The following FANCD2 variants were observed in gnomAD, a reference collection of about 807,000 sequenced individuals.
FANCD2 encodes the protein FA complementation group D2.
Under a neutral mutation model 192.3 loss-of-function variants are expected in FANCD2, and 131 were observed. The observed-to-expected ratio is 0.68, with a 90% confidence interval of 0.59 to 0.79. The LOEUF is 0.79. Among genes scored for constraint, FANCD2 ranks in the 30% least tolerant of loss-of-function variants. The pLI, the probability that FANCD2 is intolerant of heterozygous loss-of-function variation, is 0.00. For missense variants in FANCD2, 1,508 were observed against 1,701.6 expected (o/e 0.89, Z 2.00); for synonymous variants, 524 against 612.5 (o/e 0.86, Z 2.13).
In FANCD2 at chr3:10,034,681, TA is replaced by T. The variant is rs1183859220; in HGVS notation, c.274-11del. On this transcript the variant is annotated splice_polypyrimidine_tract_variant and intron_variant, in intron 4 of 43. Transcript: ENST00000675286. ...AAAAATTTTATTCTTTTTTATTTTT[TA>T]AATCTCCTTAAGATAATAGAAGAAT... 14 of 1,524,690 alleles carry T rather than the reference TA, an allele frequency of 9.2e-6. No homozygotes were observed. The highest frequency in any genetic ancestry group is 1.2e-5 in the Non-Finnish European group (14 of 1,121,698). The allele number at this position is 1,524,690 out of a possible 1,614,324, so 94.4% of individuals were successfully genotyped here. A position where few individuals can be genotyped will look rare whatever the true frequency, so the allele number is the denominator to read the frequency against.
At chr3:10,064,603 G>A (rs1354237847) in intron 22 of FANCD2, 126 bp from the exon 23 acceptor site, 11 of 1,329,420 alleles carry the variant, frequency 8.3e-6, no homozygotes, top group Middle Eastern at 2.1e-4. Context: ...TTCCTAAAAG[G>A]TTCACTGTTT....
Position 10,035,221 on chromosome 3 carries a change from T to C in FANCD2, c.426T>C (p.Ile142=). ...SKSLIKLLLG[I]DILQPAIIKT... is the part of the protein sequence containing the mutation. ...GTCTCATCAAACTGCTTCTGGGGAT[T>C]GACATACTGCAGGTAAGACTGTCAC... is the stretch of plus-strand genomic sequence containing the variant. The change falls in exon 6 of 44, where the codon ATT becomes ATC. Residue 142 remains isoleucine (I), a synonymous_variant. Transcript: ENST00000675286. 1 of 1,613,662 alleles carries C rather than the reference T, an allele frequency of 6.2e-7. No homozygotes were observed. Among genetic ancestry groups the C allele is most frequent in the Non-Finnish European group, 8.5e-7 (1 of 1,179,636 alleles).
intron 14 of FANCD2, among the ~76,000 whole-genome samples, chr3:10,044,484 G>A (rs1276606934): frequency 1.3e-4 from 19 of 151,922 alleles, no homozygotes; most frequent in Admixed American, 2.6e-4. Flanking sequence ...CCTGGCCAAT[G>A]TAGCGAAACC....
chr3:10,071,314 A>G (rs1693231945), intron 26 of FANCD2, among the ~76,000 whole-genome samples: 1 of 152,084 alleles, frequency 6.6e-6, no homozygotes, highest in Non-Finnish European at 1.5e-5. Flanking sequence ...TAGAATCACC[A>G]TATGATCCAG....
intron 22 of FANCD2, 54 bp from the exon 23 acceptor site, chr3:10,064,675 T>G: frequency 1.9e-6 from 3 of 1,598,238 alleles, no homozygotes; most frequent in Non-Finnish European, 2.6e-6. Flanking sequence ...TGGTTTTCCC[T>G]GTAGCCTTGC....
intron 15 of FANCD2, among the ~76,000 whole-genome samples, chr3:10,047,300 A>G (rs2087049833): frequency 6.6e-6 from 1 of 152,270 alleles, no homozygotes; most frequent in Admixed American, 6.5e-5. Flanking sequence ...TTGGGCTGTA[A>G]TTTTCTAGAT....
chr3:10,055,592 C>G (rs2125019412), intron 18 of FANCD2, among the ~76,000 whole-genome samples: 1 of 152,212 alleles, frequency 6.6e-6, no homozygotes. Context: ...GCGGGCAGAT[C>G]ATGAGGTCAG....
intron 11 of FANCD2, 134 bp downstream of exon 11, chr3:10,042,797 T>C (rs2086897784): frequency 1.2e-6 from 1 of 821,434 alleles, no homozygotes; most frequent in Non-Finnish European, 2.1e-6. Flanking sequence ...ATTCAACAGA[T>C]TCATTGATCT....
chr3:10,065,790 G>A, intron 24 of FANCD2, 74 bp from the exon 25 acceptor site: 3 of 924,330 alleles, frequency 3.2e-6, no homozygotes, highest in Non-Finnish European at 5.4e-6. Flanking sequence ...AGCAAGGACA[G>A]CTAGCTCCAG....
rs572641019 is a variant in FANCD2, at chr3:10,060,036, G to A, written c.1657-258G>A. On this transcript the variant is annotated intron_variant, in intron 18 of 43. Transcript: ENST00000675286. ...TACAAAATAAGCCGGGCATGGTGGC[G>A]GGTGCCTGTAATCCCAGTTACCCAG... 1.8e-4 allele frequency among the ~76,000 whole-genome samples: 28 copies of A among 151,958 alleles called. No individual in the cohort carries two copies. In the East Asian group the frequency reaches 4.1e-3, roughly 22 times the overall value.
Position 10,038,780 on chromosome 3 carries a change from C to T in FANCD2, c.492-499C>T, listed in dbSNP as rs569691735. ...ATTTTTAGTAGAGATGGGGTTTCACCGTGTTGGCCAGGCTGGTCTTGAACT... is the reference window on the plus strand; with the variant it reads ...ATTTTTAGTAGAGATGGGGTTTCACTGTGTTGGCCAGGCTGGTCTTGAACT... On this transcript the variant is annotated intron_variant, in intron 7 of 43. Coordinates refer to ENST00000675286, the MANE Select transcript of FANCD2 (RefSeq NM_001018115.3). 1.8e-4 allele frequency among the ~76,000 whole-genome samples: 27 copies of T among 152,086 alleles called. No individual in the cohort carries two copies. The South Asian group carries it at 4.6e-3, about 26-fold the overall frequency.
In FANCD2 at chr3:10,085,424, G is replaced by A. The variant is rs764866110; in HGVS notation, c.3225-388G>A. On this transcript the variant is annotated intron_variant, in intron 32 of 43. Transcript: ENST00000675286. ...TTTTTTTTTTTTGAGATGGAGTCTC[G>A]CTCTGTCGCCAGGCTGGAGTGCAGT... Among the ~76,000 whole-genome samples, 6 of 135,446 alleles carry A rather than the reference G, an allele frequency of 4.4e-5. 1 individual carries two copies. The highest frequency in any genetic ancestry group is 4.5e-4 in the South Asian group (2 of 4,440). 88.9% of individuals were successfully genotyped at this position (135,446 alleles called of 152,430 possible). A position where few individuals can be genotyped will look rare whatever the true frequency, so the allele number is the denominator to read the frequency against.
In FANCD2 at chr3:10,060,310, T is replaced by G; in HGVS notation, c.1673T>G (p.Val558Gly). The change falls in exon 19 of 44, where the codon GTG becomes GGG. Residue 558 changes from valine to glycine, a missense_variant. Around this residue, in one of 5 missense-constraint regions of FANCD2, gnomAD observed 110 missense variants for 114.4 expected, o/e 0.96. Transcript: ENST00000675286. ...TCATTGCAGGATGACATGCACTTGGTGATAAGAAAGCAGCTCTCTAGCACC... is the reference window on the plus strand; with the variant it reads ...TCATTGCAGGATGACATGCACTTGGGGATAAGAAAGCAGCTCTCTAGCACC... ...SSHIQDDMHLVIRKQLSSTVF... is the reference protein window; with the variant it reads ...SSHIQDDMHLGIRKQLSSTVF... 6.2e-7 allele frequency: 1 copy of G among 1,611,862 alleles called. No homozygotes were observed. The highest frequency in any genetic ancestry group is 1.3e-5 in the African/African-American group (1 of 74,960).
At chr3:10,046,055 C>T (rs1407418844) in intron 14 of FANCD2, among the ~76,000 whole-genome samples, 42 of 124,404 alleles carry the variant, frequency 3.4e-4, no homozygotes, top group South Asian at 7.7e-4. Flanking sequence ...GCTCTGTATT[C>T]TTTTTTTTTT....
chr3:10,048,139 A>G (rs1478702004), intron 16 of FANCD2, 88 bp downstream of exon 16: 3 of 1,573,278 alleles, frequency 1.9e-6, no homozygotes, highest in Non-Finnish European at 1.7e-6. Context: ...GAACTCACTG[A>G]AGGGGAAGGA....
chr3:10,033,526 A>G (rs888529201), intron 3 of FANCD2, among the ~76,000 whole-genome samples: 1 of 151,938 alleles, frequency 6.6e-6, no homozygotes, highest in African/African-American at 2.4e-5. Context: ...GTGTTTTCTT[A>G]TGAAAAAATA....
rs779245007 is a variant in FANCD2, at chr3:10,078,158, G to A, written c.2937G>A (p.Met979Ile). Residue 979 changes from methionine to isoleucine, a missense_variant, in exon 30 of 44, where the codon ATG becomes ATA. By Grantham distance (10) the Met-to-Ile change is conservative. Transcript: ENST00000675286. Reference protein sequence around the residue: ...LEDLSQKLESMLTPPIARRVP... With the variant: ...LEDLSQKLESILTPPIARRVP... ...ATCTCTCCCAGAAGCTGGAGAGTAT[G>A]CTGACACCTCCTATTGCCAGGAGAG... The A allele has an allele frequency of 1.2e-6, 2 of 1,613,564 alleles. No homozygotes were observed. Among genetic ancestry groups the A allele is most frequent in the African/African-American group, 2.7e-5 (2 of 74,904 alleles).
intron 29 of FANCD2, among the ~76,000 whole-genome samples, chr3:10,075,222 G>A (rs1256320167): frequency 1.3e-5 from 2 of 149,410 alleles, no homozygotes; most frequent in Non-Finnish European, 1.5e-5. Flanking sequence ...TCTCTCTGTC[G>A]CCCAGGCTGG....
intron 15 of FANCD2, among the ~76,000 whole-genome samples, chr3:10,047,108 G>T (rs372382609): frequency 3.3e-5 from 5 of 152,412 alleles, no homozygotes; most frequent in African/African-American, 1.2e-4. Context: ...CCAGCTGAAC[G>T]TTCAGGATAT....
Sources: gnomAD v4.1 joint callset for allele counts (sites outside exome capture counted in the v4.1 genomes callset) on GRCh38, gnomAD v4.1.1 for gene constraint, gnomAD v4.1.1 regional missense constraint, MANE v1.5 for transcripts, NCBI Gene and HGNC (gene_info 2026-07-23, HGNC 2026-07-21) for gene names.